Variants in FAM78B observed in about 807,000 individuals in gnomAD.
FAM78B encodes the protein family with sequence similarity 78 member B, also known as protein FAM78B.
A neutral mutation model predicts 20.0 loss-of-function variants in FAM78B; 10 were observed. That is an observed-to-expected ratio of 0.50 (90% CI 0.31 to 0.85). The LOEUF (loss-of-function observed/expected upper bound fraction) is 0.85. Among genes scored for constraint, FAM78B ranks in the 40% least tolerant of loss-of-function variants. FAM78B has a pLI of 0.05. For missense variants in FAM78B, 283 were observed against 345.0 expected (o/e 0.82, Z 1.42); for synonymous variants, 135 against 132.8 (o/e 1.02, Z -0.12).
chr1:166,109,868 G>GTATA (rs1167115543), intron 1 of FAM78B, among the ~76,000 whole-genome samples: 10 of 8,566 alleles, frequency 1.2e-3, no homozygotes, highest in Non-Finnish European at 1.6e-3. Context: ...ATATGTATGT[G>GTATA]TATATATATA....
chr1:166,077,670 T>A (rs905267041), intron 1 of FAM78B, among the ~76,000 whole-genome samples: 2 of 141,734 alleles, frequency 1.4e-5, no homozygotes, highest in African/African-American at 5.2e-5. Flanking sequence ...TAAATACATA[T>A]AATTATATAT....
intron 1 of FAM78B, among the ~76,000 whole-genome samples, chr1:166,157,047 G>A (rs1392641042): frequency 1.1e-5 from 1 of 87,872 alleles, no homozygotes; most frequent in Non-Finnish European, 2.5e-5. Context: ...GGGGGGGGGG[G>A]GGCTCCAATG....
intron 1 of FAM78B, among the ~76,000 whole-genome samples, chr1:166,123,803 C>T (rs943801395): frequency 6.6e-6 from 1 of 152,128 alleles, no homozygotes; most frequent in Non-Finnish European, 1.5e-5. Flanking sequence ...CAGCAACACG[C>T]CATGAGGGGC....
chr1:166,106,454 AAG>A, intron 1 of FAM78B, among the ~76,000 whole-genome samples: 1 of 152,272 alleles, frequency 6.6e-6, no homozygotes, highest in Non-Finnish European at 1.5e-5. Context: ...TTAAAAAAAA[AAG>A]AAAATATAGT....
chr1:166,156,222 C>T (rs1571211810), intron 1 of FAM78B, among the ~76,000 whole-genome samples: 1 of 152,292 alleles, frequency 6.6e-6, no homozygotes, highest in East Asian at 1.9e-4. Flanking sequence ...AACAAAATGG[C>T]CTTATTTATC....
intron 1 of FAM78B, among the ~76,000 whole-genome samples, chr1:166,113,998 C>T (rs1182122784): frequency 6.6e-6 from 1 of 152,108 alleles, no homozygotes; most frequent in Non-Finnish European, 1.5e-5. Flanking sequence ...ACATTAGGGC[C>T]CACTAACCTG....
At chr1:166,129,773 C>A (rs1571189567) in intron 1 of FAM78B, among the ~76,000 whole-genome samples, 1 of 151,846 alleles carries the variant, frequency 6.6e-6, no homozygotes. Context: ...CTTCTCCTAC[C>A]ACAATCACTC....
At chr1:166,091,759 A>G (rs1042472938) in intron 1 of FAM78B, among the ~76,000 whole-genome samples, 10 of 152,232 alleles carry the variant, frequency 6.6e-5, no homozygotes, top group East Asian at 1.9e-4. Context: ...TACATTTCAC[A>G]AAACAATCCC....
rs540433724 is a variant in FAM78B at position 166,101,593 on chromosome 1, T to G, written c.264-30830A>C. On this transcript the variant is annotated intron_variant, in intron 1 of 1. Coordinates refer to ENST00000354422, the MANE Select transcript of FAM78B (RefSeq NM_001017961.5). ...AGCTTCAGTAGCCGATTCGATCAAC[T>G]GGAAGAAAGGGTATCAGTGATTGAA... Among the ~76,000 whole-genome samples the G allele has an allele frequency of 4.6e-5, 7 of 152,314 alleles. No individual in the cohort carries two copies. The East Asian group carries it at 1.2e-3, about 25-fold the overall frequency.
intron 1 of FAM78B, among the ~76,000 whole-genome samples, chr1:166,146,449 G>A (rs1382946764): frequency 1.3e-5 from 2 of 152,222 alleles, no homozygotes; most frequent in African/African-American, 4.8e-5. Flanking sequence ...GACCGGACAG[G>A]TAGGATGATG....
chr1:166,109,861 T>TAC (rs1653955289), intron 1 of FAM78B, among the ~76,000 whole-genome samples: 2 of 16,652 alleles, frequency 1.2e-4, no homozygotes, highest in African/African-American at 3.0e-4. Context: ...TATATATATA[T>TAC]GTATGTGTAT....
intron 1 of FAM78B, among the ~76,000 whole-genome samples, chr1:166,109,230 G>A (rs1351064635): frequency 6.6e-6 from 1 of 152,132 alleles, no homozygotes; most frequent in Admixed American, 6.6e-5. Flanking sequence ...ACAACCCACA[G>A]AGTGGAGAAA....
chr1:166,151,371 AG>A (rs1655669143), intron 1 of FAM78B, among the ~76,000 whole-genome samples: 1 of 152,236 alleles, frequency 6.6e-6, no homozygotes, highest in Admixed American at 6.5e-5. Context: ...GTTAAGTACT[AG>A]GGTATAATTC....
At chr1:166,103,551 A>G (rs928163194) in intron 1 of FAM78B, among the ~76,000 whole-genome samples, 3 of 152,216 alleles carry the variant, frequency 2.0e-5, no homozygotes, top group Admixed American at 2.0e-4. Context: ...AATACAAACT[A>G]CTGTCAGAGA....
At chr1:166,099,174 T>A (rs941082383) in intron 1 of FAM78B, among the ~76,000 whole-genome samples, 1 of 152,192 alleles carries the variant, frequency 6.6e-6, no homozygotes, top group African/African-American at 2.4e-5. Context: ...AAAGATACAG[T>A]TGTTTTCAGA....
At chr1:166,163,688 T>A (rs1656246745) in intron 1 of FAM78B, among the ~76,000 whole-genome samples, 1 of 152,234 alleles carries the variant, frequency 6.6e-6, no homozygotes, top group Non-Finnish European at 1.5e-5. Flanking sequence ...AAGTTTACAC[T>A]AGCAAAATTT....
intron 1 of FAM78B, among the ~76,000 whole-genome samples, chr1:166,112,051 C>A (rs1654076448): frequency 6.6e-6 from 1 of 152,332 alleles, no homozygotes; most frequent in African/African-American, 2.4e-5. Flanking sequence ...TATAATTCTG[C>A]AGTTTCATCT....
chr1:166,099,363 A>G (rs964027220), intron 1 of FAM78B, among the ~76,000 whole-genome samples: 2 of 152,204 alleles, frequency 1.3e-5, no homozygotes, highest in Non-Finnish European at 2.9e-5. Flanking sequence ...AAACAAACAA[A>G]AAAACGAAGT....
At chr1:166,142,799 TG>T (rs1329328718) in intron 1 of FAM78B, among the ~76,000 whole-genome samples, 2 of 152,222 alleles carry the variant, frequency 1.3e-5, no homozygotes, top group Non-Finnish European at 2.9e-5. Flanking sequence ...TTAAATCTAC[TG>T]AATACCACAG....
Sources: allele counts gnomAD v4.1 joint callset (sites outside exome capture counted in the v4.1 genomes callset), GRCh38; gene constraint gnomAD v4.1.1; transcripts MANE v1.5; gene names NCBI Gene and HGNC (gene_info 2026-07-23, HGNC 2026-07-21).